Variants in HSP90AA1 observed in about 807,000 individuals in gnomAD.
HSP90AA1 encodes the protein heat shock protein 90 alpha family class A member 1.
Under a neutral mutation model 73.3 loss-of-function variants are expected in HSP90AA1, and 18 were observed. The ratio of observed to expected loss-of-function variants is 0.25; its 90% CI spans 0.17 to 0.36. The LOEUF is 0.36. Among genes scored for constraint, HSP90AA1 ranks in the 10% least tolerant of loss-of-function variants. The pLI, the probability that HSP90AA1 is intolerant of heterozygous loss-of-function variation, is 1.00. For synonymous variants in HSP90AA1, 477 were observed against 296.9 expected (o/e 1.61, Z -6.24); for missense variants, 704 against 874.2 (o/e 0.81, Z 2.45).
At chr14:102,089,744 C>T (rs1338391536), upstream of HSP90AA1, among the ~76,000 whole-genome samples, 1 of 152,160 alleles carries the variant, frequency 6.6e-6, no homozygotes, top group Admixed American at 6.5e-5. Flanking sequence ...AGGTCACTGA[C>T]TATCCCACCT....
intron 4 of HSP90AA1, 56 bp from the exon 5 acceptor site, chr14:102,085,054 C>T (rs935686705): frequency 8.1e-6 from 13 of 1,612,610 alleles, no homozygotes; most frequent in South Asian, 5.5e-5. Context: ...TAAGCGACAG[C>T]GCTGCACCAC....
intron 1 of HSP90AA1, among the ~76,000 whole-genome samples, chr14:102,122,140 C>T (rs1300760843): frequency 1.3e-5 from 2 of 152,062 alleles, no homozygotes; most frequent in Admixed American, 1.3e-4. Context: ...AAGTAGGAAT[C>T]CAATTTTAAA....
At chr14:102,120,951 T>A (rs572875248) in intron 1 of HSP90AA1, among the ~76,000 whole-genome samples, 8 of 150,752 alleles carry the variant, frequency 5.3e-5, no homozygotes, top group Non-Finnish European at 1.0e-4. Context: ...AAAAAAAAAA[T>A]TTCTGCTTTT....
At chr14:102,134,304 C>CA (rs1337815092) in intron 1 of HSP90AA1, among the ~76,000 whole-genome samples, 2 of 109,854 alleles carry the variant, frequency 1.8e-5, no homozygotes, top group East Asian at 2.8e-4. Context: ...ACCTGGGCGA[C>CA]AGAGCAAGGC....
At chr14:102,089,079 C>A (rs1451536545), upstream of HSP90AA1, among the ~76,000 whole-genome samples, 1 of 152,054 alleles carries the variant, frequency 6.6e-6, no homozygotes, top group Non-Finnish European at 1.5e-5. Flanking sequence ...CACCACTACG[C>A]CCGGCTAATT....
chr14:102,098,811 G>A (rs910675195), intron 2 of HSP90AA1, among the ~76,000 whole-genome samples: 3 of 151,708 alleles, frequency 2.0e-5, no homozygotes, highest in African/African-American at 7.3e-5. Flanking sequence ...TACAGTCCTT[G>A]AGCCGCTGCA....
Sources: allele counts gnomAD v4.1 joint callset (sites outside exome capture counted in the v4.1 genomes callset), GRCh38; gene constraint gnomAD v4.1.1; transcripts MANE v1.5; gene names NCBI Gene and HGNC (gene_info 2026-07-23, HGNC 2026-07-21).